LDLRAD2: variants seen among roughly 807,000 people sequenced by gnomAD.
The protein encoded by LDLRAD2 is low-density lipoprotein receptor class A domain-containing protein 2.
A neutral mutation model predicts 24.9 loss-of-function variants in LDLRAD2; 25 were observed. That is an observed-to-expected ratio of 1.00 (90% CI 0.73 to 1.40). The LOEUF (loss-of-function observed/expected upper bound fraction) is 1.40. LDLRAD2 is among the 40% of genes most tolerant of loss of function. LDLRAD2 has a pLI of 0.00. For missense variants in LDLRAD2, 391 were observed against 366.2 expected, an observed-to-expected ratio of 1.07 and a Z score of -0.55; for synonymous variants, 182 against 166.7, an observed-to-expected ratio of 1.09 and a Z score of -0.71.
At position 21,814,522 on chromosome 1, in the gene LDLRAD2, G is replaced by C; in HGVS notation, c.210G>C (p.Ala70=). ...PDTDCGLWVQ[A]AAPGDRIRFQ... ...CCGACTGCGGGCTCTGGGTGCAGGC[G>C]GCAGCCCCCGGCGACCGGATCCGCT... is the stretch of plus-strand genomic sequence containing the variant. Residue 70 remains alanine, a synonymous_variant, in exon 2 of 5, where the codon GCG becomes GCC. Coordinates refer to ENST00000344642, the MANE Select transcript of LDLRAD2 (RefSeq NM_001013693.3). 6.2e-7 allele frequency: 1 copy of C among 1,612,624 alleles called. No homozygotes were observed. Among genetic ancestry groups the C allele is most frequent in the Non-Finnish European group, 8.5e-7 (1 of 1,179,748 alleles).
Position 21,814,604 on chromosome 1 carries a change from A to AC in LDLRAD2, c.294dup (p.Ser99LeufsTer94). 2 of 1,606,146 alleles carry AC rather than the reference A, an allele frequency of 1.2e-6. No homozygotes were observed. The highest frequency in any genetic ancestry group is 3.4e-5 in the Admixed American group (2 of 59,580). ...GACCCCCGCGCCCCCGGCGCTCAACACCTCCTCCCCGGCCCCGGCCGACCC... is the reference window on the plus strand; with the variant it reads ...GACCCCCGCGCCCCCGGCGCTCAACACCCTCCTCCCCGGCCCCGGCCGACCC... On this transcript the variant is annotated frameshift_variant, in exon 2 of 5. Transcript: ENST00000344642. LOFTEE classifies it high-confidence loss of function.
intron 3 of LDLRAD2, among the ~76,000 whole-genome samples, chr1:21,821,027 T>C (rs1286133472): frequency 1.3e-5 from 2 of 152,000 alleles, no homozygotes; most frequent in African/African-American, 4.8e-5. Context: ...TGAGATCCCG[T>C]CTCTACAAAA....
chr1:21,814,757 C>T lies in LDLRAD2; in HGVS notation c.445C>T (p.Arg149Cys). ...ATCCTCCGGACCCTTTCTAGGCCTG[C>T]GCCTGGTCACGAGAGGCCGCCAGCC... Reference protein sequence around the residue: ...VASSGPFLGLRLVTRGRQPRV... With the variant: ...VASSGPFLGLCLVTRGRQPRV... The change falls in exon 2 of 5, where the codon CGC becomes TGC. Residue 149 changes from arginine (R) to cysteine (C), a missense_variant. Physicochemically the swap from Arg to Cys is radical, Grantham distance 180. Coordinates refer to ENST00000344642, the MANE Select transcript of LDLRAD2 (RefSeq NM_001013693.3). 1 of 1,507,728 alleles carries T rather than the reference C, an allele frequency of 6.6e-7. No individual in the cohort carries two copies. Among genetic ancestry groups the T allele is most frequent in the Non-Finnish European group, 8.8e-7 (1 of 1,132,712 alleles). 93.4% of individuals were successfully genotyped at this position (1,507,728 alleles called of 1,614,324 possible). A position where few individuals can be genotyped will look rare whatever the true frequency, so the allele number is the denominator to read the frequency against.
intron 3 of LDLRAD2, among the ~76,000 whole-genome samples, chr1:21,821,061 G>A (rs2097950900): frequency 1.3e-5 from 2 of 152,320 alleles, no homozygotes; most frequent in Admixed American, 6.5e-5. Flanking sequence ...GCCAGGCATG[G>A]TGGCACGTGC....
At chr1:21,820,522 C>CAAAAAAAA (rs11370390) in intron 3 of LDLRAD2, among the ~76,000 whole-genome samples, 1 of 70,164 alleles carries the variant, frequency 1.4e-5, no homozygotes, top group Admixed American at 1.5e-4. Context: ...GACTCCGTCT[C>CAAAAAAAA]AAAAAAAAAA....
intron 3 of LDLRAD2, among the ~76,000 whole-genome samples, chr1:21,819,861 G>A (rs2097948375): frequency 6.6e-6 from 1 of 152,172 alleles, no homozygotes; most frequent in African/African-American, 2.4e-5. Flanking sequence ...GAAGCATGAT[G>A]CTGGCATCTG....
intron 3 of LDLRAD2, among the ~76,000 whole-genome samples, chr1:21,818,282 G>C (rs977463810): frequency 1.3e-5 from 2 of 152,172 alleles, no homozygotes; most frequent in Non-Finnish European, 2.9e-5. Flanking sequence ...AAAGTGCTGG[G>C]ATTACAGGCG....
In LDLRAD2 at chr1:21,824,283, A is replaced by G. The variant is rs80040276; in HGVS notation, c.*2068A>G. 2,245 of 1,613,420 alleles carry G rather than the reference A, an allele frequency of 1.4e-3. 20 individuals carry two copies. In the African/African-American group the frequency reaches 0.025, roughly 18 times the overall value. On this transcript the variant is annotated 3_prime_UTR_variant, in exon 5 of 5. Transcript: ENST00000344642. This position sits in a 1 kb window ranked among gnomAD's most constrained non-coding sequence, Gnocchi z 5.9. ...GTGCTGGGACCAGGGAAGGGAGAGG[A>G]AGGGCCAGGTGCCAGGACCTACCTG... is the stretch of plus-strand genomic sequence containing the variant.
chr1:21,817,585 C>T (rs930439724), intron 3 of LDLRAD2, among the ~76,000 whole-genome samples: 1 of 152,120 alleles, frequency 6.6e-6, no homozygotes, highest in African/African-American at 2.4e-5. Flanking sequence ...AAGATCTTCC[C>T]ACCTTGGCCT....
rs558201665 is a variant in LDLRAD2 at position 21,816,324 on chromosome 1, A to G, written c.643+250A>G. ...TTTTGCTAAATGGGACCTGGCATGGAGGCCCAAGACATTCAAAGGAGATAT... is the reference window on the plus strand; with the variant it reads ...TTTTGCTAAATGGGACCTGGCATGGGGGCCCAAGACATTCAAAGGAGATAT... On this transcript the variant is annotated intron_variant, in intron 3 of 4. Transcript: ENST00000344642. Among the ~76,000 whole-genome samples, 91 of 152,214 alleles carry G rather than the reference A, an allele frequency of 6.0e-4. 1 individual carries two copies. The highest frequency in any genetic ancestry group is 1.1e-3 in the Non-Finnish European group (77 of 68,038).
chr1:21,823,946 G>A lies in LDLRAD2; in HGVS notation c.*1731G>A. ...CTCCTGGGGCACTCGCCTGCCCCCAGCGGAGTTCAGTCCGAGATGGAAGCC... is the reference window on the plus strand; with the variant it reads ...CTCCTGGGGCACTCGCCTGCCCCCAACGGAGTTCAGTCCGAGATGGAAGCC... On this transcript the variant is annotated 3_prime_UTR_variant, in exon 5 of 5. Coordinates refer to ENST00000344642, the MANE Select transcript of LDLRAD2 (RefSeq NM_001013693.3). The A allele has an allele frequency of 7.8e-6, 6 of 770,668 alleles. No individual in the cohort carries two copies. In the South Asian group the frequency reaches 7.9e-5, roughly 10 times the overall value. 47.7% of individuals were successfully genotyped at this position (770,668 alleles called of 1,614,324 possible).
rs985795769 is a variant in LDLRAD2 at position 21,824,349 on chromosome 1, C to T, written c.*2134C>T. Reference sequence around the variant, plus strand: ...TCTTGAAGCCCGAGGCTGATGAAGTCCTTGCCTTGGCCGGCCTCTCCCACC... The same window carrying T: ...TCTTGAAGCCCGAGGCTGATGAAGTTCTTGCCTTGGCCGGCCTCTCCCACC... On this transcript the variant is annotated 3_prime_UTR_variant, in exon 5 of 5. Transcript: ENST00000344642. The surrounding 1 kb of genome is among the most constrained non-coding windows in gnomAD (Gnocchi z 5.9). 2 of 1,613,888 alleles carry T rather than the reference C, an allele frequency of 1.2e-6. No homozygotes were observed. The highest frequency in any genetic ancestry group is 1.1e-5 in the South Asian group (1 of 91,082).
chr1:21,822,123 G>A (rs1272177170), intron 4 of LDLRAD2, 79 bp from the exon 5 acceptor site: 3 of 1,612,612 alleles, frequency 1.9e-6, no homozygotes, highest in East Asian at 4.5e-5. Context: ...ACAGGGTTGG[G>A]GGCCTGGGGG....
At chr1:21,819,126 C>A (rs910260250) in intron 3 of LDLRAD2, among the ~76,000 whole-genome samples, 1 of 151,994 alleles carries the variant, frequency 6.6e-6, no homozygotes, top group African/African-American at 2.4e-5. Context: ...GTAATCCCAG[C>A]ACTTTGGGAG....
At position 21,823,454 on chromosome 1, in the gene LDLRAD2, GC is replaced by G; in HGVS notation, c.*1244del. 6.3e-7 allele frequency: 1 copy of G among 1,595,010 alleles called. No individual in the cohort carries two copies. The highest frequency in any genetic ancestry group is 8.5e-7 in the Non-Finnish European group (1 of 1,175,188). On this transcript the variant is annotated 3_prime_UTR_variant, in exon 5 of 5. Coordinates refer to ENST00000344642, the MANE Select transcript of LDLRAD2 (RefSeq NM_001013693.3). ...AGCCTGTGATGCCTGAGGAGAATCTGCCCCCGGTCAGCGTGGCCACGTCAGG... is the reference window on the plus strand; with the variant it reads ...AGCCTGTGATGCCTGAGGAGAATCTGCCCCGGTCAGCGTGGCCACGTCAGG...
intron 1 of LDLRAD2, among the ~76,000 whole-genome samples, chr1:21,814,036 A>C (rs1036905891): frequency 1.3e-5 from 2 of 151,892 alleles, no homozygotes; most frequent in African/African-American, 4.8e-5. Flanking sequence ...ATGCCCGGCT[A>C]ATTTTTTGTA....
At position 21,824,611 on chromosome 1, in the gene LDLRAD2, G is replaced by A. The variant is rs2097963986; in HGVS notation, c.*2396G>A. On this transcript the variant is annotated 3_prime_UTR_variant, in exon 5 of 5. Transcript: ENST00000344642. This position sits in a 1 kb window ranked among gnomAD's most constrained non-coding sequence, Gnocchi z 5.9. The stretch of plus-strand genomic sequence containing the variant: ...AGCTCGATGGTCTCGGGCACCTCGG[G>A]CAGGCTGCGGAGGAAGAGCGGGTGA... 1.2e-6 allele frequency: 2 copies of A among 1,613,964 alleles called. No individual in the cohort carries two copies. Among genetic ancestry groups the A allele is most frequent in the African/African-American group, 2.7e-5 (2 of 74,958 alleles).
intron 3 of LDLRAD2, among the ~76,000 whole-genome samples, chr1:21,818,440 C>T (rs1365341687): frequency 1.3e-5 from 2 of 152,098 alleles, no homozygotes; most frequent in Non-Finnish European, 2.9e-5. Context: ...TGTAGGATGC[C>T]CCACTATTGG....
chr1:21,823,815 C>T lies in LDLRAD2; in HGVS notation c.*1600C>T. 3 of 944,188 alleles carry T rather than the reference C, an allele frequency of 3.2e-6. No homozygotes were observed. Among genetic ancestry groups the T allele is most frequent in the Non-Finnish European group, 5.1e-6 (3 of 590,800 alleles). 58.5% of individuals were successfully genotyped at this position (944,188 alleles called of 1,614,324 possible). On this transcript the variant is annotated 3_prime_UTR_variant, in exon 5 of 5. Transcript: ENST00000344642. ...CTCCCTCTGATATCGAGACTCCAGA[C>T]TCAGAAGTCTGTCCCTGTTTCCCAA...
Sources: allele counts gnomAD v4.1 joint callset (sites outside exome capture counted in the v4.1 genomes callset), GRCh38; gene constraint gnomAD v4.1.1; non-coding constraint Gnocchi (gnomAD v3.1); transcripts MANE v1.5; gene names NCBI Gene and HGNC (gene_info 2026-07-23, HGNC 2026-07-21).